The following CDC73 variants were observed in gnomAD, a reference collection of about 807,000 sequenced individuals.
CDC73 encodes the protein cell division cycle 73, also known as parafibromin.
In CDC73, 21 loss-of-function variants were observed where a neutral mutation model predicts 83.7. The ratio of observed to expected loss-of-function variants is 0.25; its 90% confidence interval spans 0.18 to 0.36. The LOEUF is 0.36. Among genes scored for constraint, CDC73 ranks in the 10% least tolerant of loss-of-function variants. The pLI, the probability that CDC73 is intolerant of heterozygous loss-of-function variation, is 1.00. For missense variants in CDC73, 342 were observed against 653.3 expected (o/e 0.52, Z 5.19); for synonymous variants, 224 against 212.9 (o/e 1.05, Z -0.45).
intron 15 of CDC73, among the ~76,000 whole-genome samples, chr1:193,243,416 G>A (rs1677897126): frequency 6.6e-6 from 1 of 151,996 alleles, no homozygotes; most frequent in Non-Finnish European, 1.5e-5. Context: ...ACACTTTTTG[G>A]ACTCTAGTAT....
rs143591210 is a variant in CDC73 at position 193,184,796 on chromosome 1, A to G, written c.973-18999A>G. On this transcript the variant is annotated intron_variant, in intron 10 of 16. Transcript: ENST00000367435. ...ATTAGAATAAAAATTCATGGGTGAG[A>G]GTGATGTTGAGGTGTAATAGAGTCT... Among the ~76,000 whole-genome samples the G allele has an allele frequency of 2.0e-3, 301 of 152,002 alleles. 1 individual carries two copies. Among genetic ancestry groups the G allele is most frequent in the African/African-American group, 6.9e-3 (287 of 41,528 alleles).
chr1:193,195,688 T>C (rs1295096084), intron 10 of CDC73, among the ~76,000 whole-genome samples: 1 of 152,196 alleles, frequency 6.6e-6, no homozygotes, highest in Non-Finnish European at 1.5e-5. Flanking sequence ...TACTGGATTT[T>C]GATAATAACC....
chr1:193,200,919 G>A (rs1393206486), intron 10 of CDC73, among the ~76,000 whole-genome samples: 1 of 152,178 alleles, frequency 6.6e-6, no homozygotes, highest in African/African-American at 2.4e-5. Flanking sequence ...AGAGTAGAAT[G>A]TGCTTTTAGC....
At chr1:193,193,766 G>A (rs1215552251) in intron 10 of CDC73, among the ~76,000 whole-genome samples, 5 of 148,780 alleles carry the variant, frequency 3.4e-5, no homozygotes, top group Admixed American at 2.0e-4. Context: ...GAACATTTCA[G>A]CTGTCTTACT....
rs1249685338 is a variant in CDC73 at position 193,251,163 on chromosome 1, T to C, written c.*451T>C. On this transcript the variant is annotated 3_prime_UTR_variant, in exon 17 of 17. Transcript: ENST00000367435. ...ACCAAGCAAAGGGATGTGACTATTT[T>C]GAATGAATCAGAATGTCAACTTGTA... is the stretch of plus-strand genomic sequence containing the variant. 3 of 245,730 alleles carry C rather than the reference T, an allele frequency of 1.2e-5. No individual in the cohort carries two copies. Among genetic ancestry groups the C allele is most frequent in the Non-Finnish European group, 2.4e-5 (3 of 125,070 alleles). 15.2% of individuals were successfully genotyped at this position (245,730 alleles called of 1,614,324 possible).
At chr1:193,126,851 C>T (rs376582851) in intron 2 of CDC73, among the ~76,000 whole-genome samples, 1 of 152,152 alleles carries the variant, frequency 6.6e-6, no homozygotes, top group Non-Finnish European at 1.5e-5. Flanking sequence ...TTACCTAACA[C>T]CGTTGCTGGA....
intron 5 of CDC73, among the ~76,000 whole-genome samples, chr1:193,135,932 G>A (rs1675789489): frequency 6.9e-6 from 1 of 144,768 alleles, no homozygotes; most frequent in Non-Finnish European, 1.5e-5. Flanking sequence ...CCAGTGGTAT[G>A]ATCATAGCTT....
chr1:193,149,390 A>T (rs1485845199), intron 8 of CDC73, among the ~76,000 whole-genome samples: 2 of 150,192 alleles, frequency 1.3e-5, no homozygotes, highest in East Asian at 1.9e-4. Context: ...TTTTTTTTTT[A>T]AAGTAGTGGA....
rs1678063187 is a variant in CDC73 at position 193,252,682 on chromosome 1, T to C, written c.*1970T>C. 1 of 231,418 alleles carries C rather than the reference T, an allele frequency of 4.3e-6. No homozygotes were observed. The highest frequency in any genetic ancestry group is 2.2e-5 in the African/African-American group (1 of 45,278). 14.3% of individuals were successfully genotyped at this position (231,418 alleles called of 1,614,324 possible). On this transcript the variant is annotated 3_prime_UTR_variant, in exon 17 of 17. Transcript: ENST00000367435. The stretch of plus-strand genomic sequence containing the variant: ...AAGCACCTCTTTTTCTTTTCCTCTT[T>C]GACAATTTAGTCTCTTATTTAGGTC...
At chr1:193,151,820 A>ATCCC (rs983794942) in intron 9 of CDC73, among the ~76,000 whole-genome samples, 8 of 152,072 alleles carry the variant, frequency 5.3e-5, no homozygotes, top group African/African-American at 1.7e-4. Context: ...GCTACTCGGG[A>ATCCC]GGCTGAGGTG....
intron 7 of CDC73, among the ~76,000 whole-genome samples, chr1:193,146,009 A>C (rs1675994258): frequency 6.6e-6 from 1 of 152,166 alleles, no homozygotes; most frequent in African/African-American, 2.4e-5. Flanking sequence ...GAGAGTAAAG[A>C]GGAGTGATAC....
chr1:193,188,008 T>G (rs1204025593), intron 10 of CDC73, among the ~76,000 whole-genome samples: 1 of 152,204 alleles, frequency 6.6e-6, no homozygotes, highest in African/African-American at 2.4e-5. Context: ...GTTAACAGAG[T>G]AATGCTTAAG....
At position 193,212,913 on chromosome 1, in the gene CDC73, T is replaced by G. The variant is rs977424457; in HGVS notation, c.1154+436T>G. On this transcript the variant is annotated intron_variant, in intron 13 of 16. Coordinates refer to ENST00000367435, the MANE Select transcript of CDC73 (RefSeq NM_024529.5). The stretch of plus-strand genomic sequence containing the variant: ...AAGAAGTGAAAATGAAACCTATAAA[T>G]GATGATAAAATTTCCAAATGCTTAA... Among the ~76,000 whole-genome samples, 3 of 152,138 alleles carry G rather than the reference T, an allele frequency of 2.0e-5. No individual in the cohort carries two copies. The East Asian group carries it at 5.8e-4, about 29-fold the overall frequency.
chr1:193,163,442 G>A (rs965780077), intron 10 of CDC73, among the ~76,000 whole-genome samples: 3 of 152,040 alleles, frequency 2.0e-5, no homozygotes, highest in Admixed American at 6.6e-5. Flanking sequence ...AGGAGGTCAA[G>A]GCTGTAGTGA....
chr1:193,192,350 C>T (rs551287924), intron 10 of CDC73, among the ~76,000 whole-genome samples: 15 of 152,162 alleles, frequency 9.9e-5, no homozygotes, highest in South Asian at 2.1e-4. Context: ...GGCTGAGGCA[C>T]GAGAATCACT....
chr1:193,167,885 G>T (rs941594313), intron 10 of CDC73, among the ~76,000 whole-genome samples: 3 of 151,924 alleles, frequency 2.0e-5, no homozygotes, highest in Admixed American at 6.6e-5. Flanking sequence ...TTTTGAGATG[G>T]AATCTCACTC....
At chr1:193,246,413 GATCTT>G (rs1677954789) in intron 15 of CDC73, among the ~76,000 whole-genome samples, 1 of 151,962 alleles carries the variant, frequency 6.6e-6, no homozygotes, top group Non-Finnish European at 1.5e-5. Flanking sequence ...CAGATGCCAT[GATCTT>G]ATATTTAGAA....
chr1:193,174,641 T>C (rs1050175305), intron 10 of CDC73, among the ~76,000 whole-genome samples: 2 of 152,196 alleles, frequency 1.3e-5, no homozygotes, highest in Non-Finnish European at 2.9e-5. Flanking sequence ...TTGGTGATTC[T>C]TTATTACATT....
At chr1:193,187,102 T>TCTCCCC (rs1676824843) in intron 10 of CDC73, among the ~76,000 whole-genome samples, 3 of 32,876 alleles carry the variant, frequency 9.1e-5, no homozygotes, top group African/African-American at 2.0e-4. Flanking sequence ...GTAATTTAGA[T>TCTCCCC]CCCCCCCCCC....
Sources: allele counts gnomAD v4.1 joint callset (sites outside exome capture counted in the v4.1 genomes callset), GRCh38; gene constraint gnomAD v4.1.1; transcripts MANE v1.5; gene names NCBI Gene and HGNC (gene_info 2026-07-23, HGNC 2026-07-21).